The following RIN3 variants were observed in gnomAD, a reference collection of about 807,000 sequenced individuals.
RIN3 encodes the protein RAB5 interacting protein 3.
A neutral mutation model predicts 76.3 loss-of-function variants in RIN3; 54 were observed. The ratio of observed to expected loss-of-function variants is 0.71; its 90% CI spans 0.57 to 0.89. RIN3 has a LOEUF of 0.89. Among genes scored for constraint, RIN3 ranks in the 40% least tolerant of loss-of-function variants. The pLI is 0.00. For synonymous variants in RIN3, 576 were observed against 564.0 expected, an observed-to-expected ratio of 1.02 and a Z score of -0.30; for missense variants, 1,256 against 1,322.1, an observed-to-expected ratio of 0.95 and a Z score of 0.78.
chr14:92,544,353 C>T (rs918172443), intron 1 of RIN3, among the ~76,000 whole-genome samples: 4 of 139,948 alleles, frequency 2.9e-5, no homozygotes, highest in African/African-American at 1.1e-4. Context: ...CCTCTGGCAT[C>T]AGCTGTTCTT....
chr14:92,607,558 G>A (rs182340112), intron 3 of RIN3, among the ~76,000 whole-genome samples: 34 of 152,270 alleles, frequency 2.2e-4, no homozygotes, highest in East Asian at 7.7e-4. Flanking sequence ...GCAGTGAGCC[G>A]TGATGGCACT....
At chr14:92,670,878 C>G (rs991379086) in intron 7 of RIN3, among the ~76,000 whole-genome samples, 10 of 152,174 alleles carry the variant, frequency 6.6e-5, no homozygotes, top group African/African-American at 2.4e-4. Flanking sequence ...ATATTTAGAT[C>G]ATGGAAATTG....
intron 3 of RIN3, among the ~76,000 whole-genome samples, chr14:92,614,684 C>A (rs1057472412): frequency 2.0e-5 from 3 of 151,700 alleles, no homozygotes; most frequent in Admixed American, 6.6e-5. Flanking sequence ...TAAGGGGAAA[C>A]CCCTTTCGCT....
At chr14:92,576,875 AAT>A (rs1395735511) in intron 2 of RIN3, among the ~76,000 whole-genome samples, 1 of 152,160 alleles carries the variant, frequency 6.6e-6, no homozygotes, top group Non-Finnish European at 1.5e-5. Flanking sequence ...TGAATTGACT[AAT>A]ATCTGTGATT....
At chr14:92,518,244 A>G (rs1296808002) in intron 1 of RIN3, among the ~76,000 whole-genome samples, 1 of 152,180 alleles carries the variant, frequency 6.6e-6, no homozygotes, top group Non-Finnish European at 1.5e-5. Context: ...TCAGTTACAA[A>G]CTTCCAAAGA....
chr14:92,628,555 G>T (rs1432654311), intron 4 of RIN3, among the ~76,000 whole-genome samples: 1 of 152,116 alleles, frequency 6.6e-6, no homozygotes, highest in Non-Finnish European at 1.5e-5. Context: ...TGGTACCTGG[G>T]TGTAATCCCT....
At chr14:92,527,495 T>C (rs1438117246) in intron 1 of RIN3, among the ~76,000 whole-genome samples, 2 of 152,130 alleles carry the variant, frequency 1.3e-5, no homozygotes, top group Non-Finnish European at 2.9e-5. Flanking sequence ...ACTACATCTT[T>C]TGGGGGGATG....
At position 92,688,298 on chromosome 14, in the gene RIN3, C is replaced by T; in HGVS notation, c.*46C>T. 6.8e-7 allele frequency: 1 copy of T among 1,466,654 alleles called. No homozygotes were observed. The highest frequency in any genetic ancestry group is 1.3e-5 in the South Asian group (1 of 76,044). The allele number at this position is 1,466,654 out of a possible 1,614,324, so 90.9% of individuals were successfully genotyped here. A position where few individuals can be genotyped will look rare whatever the true frequency, so the allele number is the denominator to read the frequency against. Reference sequence around the variant, plus strand: ...CCTCACCCCCAGGCGCACGTCTGGCCCCGCCTCTGGCTGCGCACTCCCGAC... The same window carrying T: ...CCTCACCCCCAGGCGCACGTCTGGCTCCGCCTCTGGCTGCGCACTCCCGAC... On this transcript the variant is annotated 3_prime_UTR_variant, in exon 10 of 10. Coordinates refer to ENST00000216487, the MANE Select transcript of RIN3 (RefSeq NM_024832.5).
chr14:92,539,048 G>A lies in RIN3; in HGVS notation c.45-16703G>A, dbSNP rs532598803. Among the ~76,000 whole-genome samples, 12 of 152,188 alleles carry A rather than the reference G, an allele frequency of 7.9e-5. No individual in the cohort carries two copies. The South Asian group carries it at 2.5e-3, about 32-fold the overall frequency. Reference sequence around the variant, plus strand: ...AATATATGTGACAGGTGTGCTCAGGGCCTGCCCGTTGCTCTTGGTGACCTG... The same window carrying A: ...AATATATGTGACAGGTGTGCTCAGGACCTGCCCGTTGCTCTTGGTGACCTG... On this transcript the variant is annotated intron_variant, in intron 1 of 9. Coordinates refer to ENST00000216487, the MANE Select transcript of RIN3 (RefSeq NM_024832.5).
chr14:92,589,781 G>A (rs192773667), intron 3 of RIN3, among the ~76,000 whole-genome samples: 3 of 152,324 alleles, frequency 2.0e-5, no homozygotes, highest in Admixed American at 6.5e-5. Flanking sequence ...TGACGTGGGT[G>A]TTCAGGATTA....
At chr14:92,655,231 C>T (rs1887623192) in intron 6 of RIN3, among the ~76,000 whole-genome samples, 1 of 151,694 alleles carries the variant, frequency 6.6e-6, no homozygotes, top group African/African-American at 2.4e-5. Flanking sequence ...GCCTGTAGTC[C>T]CAGTTACTCA....
chr14:92,659,036 G>A, intron 6 of RIN3, 125 bp from the exon 7 acceptor site: 2 of 860,102 alleles, frequency 2.3e-6, no homozygotes, highest in African/African-American at 3.4e-5. Context: ...GGGTATAACT[G>A]CTGGGGCTGT....
At chr14:92,653,330 G>A (rs1461705490) in intron 6 of RIN3, among the ~76,000 whole-genome samples, 1 of 152,082 alleles carries the variant, frequency 6.6e-6, no homozygotes, top group African/African-American at 2.4e-5. Context: ...CACCATCAGG[G>A]GCCCACTGCC....
At chr14:92,615,585 G>A (rs1027683039) in intron 4 of RIN3, 106 bp downstream of exon 4, 17 of 933,668 alleles carry the variant, frequency 1.8e-5, no homozygotes, top group Non-Finnish European at 2.8e-5. Context: ...AGGGAGGGGT[G>A]TGGCCCAGAG....
Position 92,652,671 on chromosome 14 carries a change from C to T in RIN3, c.1622C>T (p.Ser541Phe). 3.7e-6 allele frequency: 6 copies of T among 1,612,694 alleles called. No homozygotes were observed. The highest frequency in any genetic ancestry group is 5.1e-6 in the Non-Finnish European group (6 of 1,180,006). The change falls in exon 6 of 10, where the codon TCT becomes TTT. Residue 541 changes from serine (S) to phenylalanine (F), a missense_variant. Transcript: ENST00000216487. This position sits in a 1 kb window ranked among gnomAD's most constrained non-coding sequence, Gnocchi z 6.4. ...LASLSDSLGV[S>F]VMATDQDSYS... ...TCCCTCTCAGACAGCTTGGGGGTGTCTGTCATGGCCACCGACCAGGACTCC... is the reference window on the plus strand; with the variant it reads ...TCCCTCTCAGACAGCTTGGGGGTGTTTGTCATGGCCACCGACCAGGACTCC...
chr14:92,603,635 G>A (rs72697295), intron 3 of RIN3, among the ~76,000 whole-genome samples: 7 of 152,164 alleles, frequency 4.6e-5, no homozygotes, highest in Middle Eastern at 3.2e-3. Flanking sequence ...TGCCTGTGCC[G>A]TGTTGCGGTC....
chr14:92,630,562 G>A (rs1169047615), intron 4 of RIN3, among the ~76,000 whole-genome samples: 1 of 152,196 alleles, frequency 6.6e-6, no homozygotes, highest in Non-Finnish European at 1.5e-5. Flanking sequence ...TGGGCCATAG[G>A]GGTTTGCTGG....
intron 3 of RIN3, among the ~76,000 whole-genome samples, chr14:92,611,548 C>G (rs1215255274): frequency 2.0e-5 from 3 of 152,166 alleles, no homozygotes; most frequent in Non-Finnish European, 2.9e-5. Context: ...CCATCGCAGC[C>G]AGCCCATCAC....
intron 5 of RIN3, among the ~76,000 whole-genome samples, chr14:92,645,536 A>G (rs1473162069): frequency 2.0e-5 from 3 of 152,264 alleles, no homozygotes; most frequent in Non-Finnish European, 4.4e-5. Context: ...TTCCATTTGA[A>G]TAAAATGTCT....
Sources: gnomAD v4.1 joint callset for allele counts (sites outside exome capture counted in the v4.1 genomes callset) on GRCh38, gnomAD v4.1.1 for gene constraint, Gnocchi (gnomAD v3.1) non-coding constraint, MANE v1.5 for transcripts, NCBI Gene and HGNC (gene_info 2026-07-23, HGNC 2026-07-21) for gene names.